The following KIAA1217 variants were observed in gnomAD, a reference collection of about 807,000 sequenced individuals.
The protein encoded by KIAA1217 is sickle tail protein homolog.
A neutral mutation model predicts 163.9 loss-of-function variants in KIAA1217; 88 were observed. The observed-to-expected ratio is 0.54, with a 90% CI of 0.45 to 0.64. The LOEUF (loss-of-function observed/expected upper bound fraction) is 0.64, where lower values mean the gene tolerates loss of function less well. Ranked by LOEUF, KIAA1217 falls within the 30% of genes least tolerant of loss-of-function variation. The pLI, the probability that KIAA1217 is intolerant of heterozygous loss-of-function variation, is 0.00. For synonymous variants in KIAA1217, 903 were observed against 923.1 expected (o/e 0.98, Z 0.39); for missense variants, 2,372 against 2,475.0 (o/e 0.96, Z 0.88).
At chr10:24,106,421 C>A (rs1039308473) in intron 2 of KIAA1217, among the ~76,000 whole-genome samples, 3 of 151,842 alleles carry the variant, frequency 2.0e-5, no homozygotes, top group Non-Finnish European at 4.4e-5. Context: ...GATGGTGCTG[C>A]AGCAGCCATT....
Position 24,136,176 on chromosome 10 carries a change from T to C in KIAA1217, c.-170-83450T>C, listed in dbSNP as rs10741044. On this transcript the variant is annotated intron_variant, in intron 2 of 18. Coordinates refer to the KIAA1217 transcript ENST00000376462. Reference sequence around the variant, plus strand: ...GCAATATGGATCCATTCGGCATCGGTACAAAGAATATCCACATCTCTGTAT... The same window carrying C: ...GCAATATGGATCCATTCGGCATCGGCACAAAGAATATCCACATCTCTGTAT... Among the ~76,000 whole-genome samples, 469 of 152,084 alleles carry C rather than the reference T, an allele frequency of 3.1e-3. 2 individuals are homozygous for C. Among genetic ancestry groups the C allele is most frequent in the Middle Eastern group, 0.027 (8 of 294 alleles).
At chr10:24,354,754 T>TTCTGCTCC (rs749397883) in intron 2 of KIAA1217, among the ~76,000 whole-genome samples, 1 of 148,668 alleles carries the variant, frequency 6.7e-6, no homozygotes, top group East Asian at 1.9e-4. Context: ...TCCTCTGCTC[T>TTCTGCTCC]TCTGCTCCTC....
chr10:24,143,931 G>A (rs1021247478), intron 2 of KIAA1217, among the ~76,000 whole-genome samples: 6 of 152,140 alleles, frequency 3.9e-5, no homozygotes, highest in Admixed American at 2.0e-4. Flanking sequence ...TATGGGCATG[G>A]CAGACACTCA....
In KIAA1217 at chr10:24,495,156, G is replaced by T. The variant is rs2066635068; in HGVS notation, c.1794G>T (p.Met598Ile). The stretch of plus-strand genomic sequence containing the variant: ...TTTTTCTTTTATTCAGCGAGAAAAT[G>T]ATGAAAACCACAGCCAACAGGAACC... ...SYSKDASSEKMMKTTANRNHT... is the reference protein window; with the variant it reads ...SYSKDASSEKIMKTTANRNHT... Residue 598 changes from methionine (M) to isoleucine (I), a missense_variant, in exon 8 of 21, where the codon ATG becomes ATT. Transcript: ENST00000376454. 3 of 1,612,102 alleles carry T rather than the reference G, an allele frequency of 1.9e-6. No individual in the cohort carries two copies. In the South Asian group the frequency reaches 3.3e-5, roughly 18 times the overall value.
chr10:24,114,314 C>G (rs532577945), intron 2 of KIAA1217, among the ~76,000 whole-genome samples: 103 of 152,066 alleles, frequency 6.8e-4, no homozygotes, highest in African/African-American at 2.2e-3. Flanking sequence ...ACATTGTGCA[C>G]ATGTACCCTA....
At chr10:24,382,031 T>C (rs890578368) in intron 3 of KIAA1217, among the ~76,000 whole-genome samples, 10 of 150,654 alleles carry the variant, frequency 6.6e-5, no homozygotes, top group Non-Finnish European at 1.3e-4. Context: ...TTTTTTTTTT[T>C]GTATTGGAAG....
At chr10:24,095,158 A>G (rs2062102176) in intron 2 of KIAA1217, among the ~76,000 whole-genome samples, 1 of 152,164 alleles carries the variant, frequency 6.6e-6, no homozygotes. Flanking sequence ...TTGACCAGGA[A>G]AGGGAACTCC....
chr10:23,857,832 T>A (rs1839768685), intron 1 of KIAA1217, among the ~76,000 whole-genome samples: 3 of 152,088 alleles, frequency 2.0e-5, no homozygotes, highest in Admixed American at 6.6e-5. Flanking sequence ...TTCATATATA[T>A]GTATGTATTT....
intron 1 of KIAA1217, among the ~76,000 whole-genome samples, chr10:23,975,217 G>A (rs1845489176): frequency 6.6e-6 from 1 of 152,154 alleles, no homozygotes; most frequent in Non-Finnish European, 1.5e-5. Context: ...AAGAGAAGTT[G>A]GCCCCTCAAA....
chr10:24,380,836 A>G (rs766194418), intron 2 of KIAA1217, 33 bp from the exon 3 acceptor site: 10 of 1,452,026 alleles, frequency 6.9e-6, no homozygotes, highest in East Asian at 2.4e-5. Context: ...ATAATAGTCT[A>G]TTTTCCCACT....
chr10:24,359,352 C>T (rs928266703), intron 2 of KIAA1217, among the ~76,000 whole-genome samples: 3 of 152,132 alleles, frequency 2.0e-5, no homozygotes, highest in African/African-American at 7.2e-5. Flanking sequence ...CTCGGCCTCC[C>T]AAAGTGTCGG....
At chr10:24,209,304 C>A in intron 1 of KIAA1217, 41 bp downstream of exon 1, 1 of 1,472,786 alleles carries the variant, frequency 6.8e-7, no homozygotes, top group Non-Finnish European at 9.5e-7. Context: ...TACAGGGACG[C>A]GTGCCCCTTG....
In KIAA1217 at chr10:24,545,090, G is replaced by A. The variant is rs575450846; in HGVS notation, c.5321G>A (p.Arg1774His). The A allele has an allele frequency of 2.5e-5, 40 of 1,614,116 alleles. No individual in the cohort carries two copies. The South Asian group carries it at 3.4e-4, about 14-fold the overall frequency. ...AAGCAGTCCAAACTGCAGGATCCCC[G>A]CCAATATCGTCAGGTAGTTTTACCT... ...PGKQSKLQDPRQYRQANGSAK... is the reference protein window; with the variant it reads ...PGKQSKLQDPHQYRQANGSAK... The change falls in exon 20 of 21, where the codon CGC becomes CAC. Residue 1774 changes from arginine (R) to histidine (H), a missense_variant. Arg to His is a conservative substitution (Grantham distance 29, BLOSUM62 0). This residue lies in a region of KIAA1217 where 690 missense variants were observed against 677.5 expected (regional missense o/e 1.02). Coordinates refer to ENST00000376454, the MANE Select transcript of KIAA1217 (RefSeq NM_019590.5).
intron 13 of KIAA1217, among the ~76,000 whole-genome samples, chr10:24,527,199 T>C (rs1208244400): frequency 2.6e-5 from 4 of 152,028 alleles, no homozygotes; most frequent in South Asian, 2.1e-4. Context: ...AGAGGGCATA[T>C]AGCAATTCTT....
At chr10:24,404,278 C>T (rs2056919427) in intron 3 of KIAA1217, among the ~76,000 whole-genome samples, 1 of 151,962 alleles carries the variant, frequency 6.6e-6, no homozygotes, top group African/African-American at 2.4e-5. Flanking sequence ...CCTTTTAAAA[C>T]TAAAAGTGGG....
chr10:24,389,515 C>T (rs1013771614), intron 3 of KIAA1217, among the ~76,000 whole-genome samples: 9 of 150,898 alleles, frequency 6.0e-5, no homozygotes, highest in African/African-American at 9.8e-5. Flanking sequence ...CAAACCTGCA[C>T]GTTGTGTACA....
intron 2 of KIAA1217, among the ~76,000 whole-genome samples, chr10:24,203,179 C>T (rs1458276650): frequency 9.3e-6 from 1 of 107,706 alleles, no homozygotes; most frequent in Non-Finnish European, 2.1e-5. Context: ...GGAGTAAAAA[C>T]TTGTCAAAAA....
intron 2 of KIAA1217, among the ~76,000 whole-genome samples, chr10:24,160,989 G>T (rs2065092126): frequency 6.6e-6 from 1 of 152,118 alleles, no homozygotes; most frequent in African/African-American, 2.4e-5. Flanking sequence ...TATTCTATTT[G>T]TACTTTCTGT....
At chr10:24,406,522 A>G (rs1251317288) in intron 3 of KIAA1217, among the ~76,000 whole-genome samples, 1 of 152,164 alleles carries the variant, frequency 6.6e-6, no homozygotes, top group Non-Finnish European at 1.5e-5. Context: ...AAACCTGAAC[A>G]CGCCCCTCTG....
Sources: gnomAD v4.1 joint callset for allele counts (sites outside exome capture counted in the v4.1 genomes callset) on GRCh38, gnomAD v4.1.1 for gene constraint, gnomAD v4.1.1 regional missense constraint, MANE v1.5 for transcripts, NCBI Gene and HGNC (gene_info 2026-07-23, HGNC 2026-07-21) for gene names.